Variants in RNF217 observed in about 807,000 individuals in gnomAD.
RNF217 encodes E3 ubiquitin-protein ligase RNF217.
Under a neutral mutation model 57.8 loss-of-function variants are expected in RNF217, and 31 were observed. The observed-to-expected ratio is 0.54, with a 90% confidence interval of 0.40 to 0.72. The LOEUF (loss-of-function observed/expected upper bound fraction) is 0.72, where lower values mean the gene tolerates loss of function less well. Ranked by LOEUF, RNF217 falls within the 30% of genes least tolerant of loss-of-function variation. The pLI, the probability that RNF217 is intolerant of heterozygous loss-of-function variation, is 0.00. For missense variants in RNF217, 696 were observed against 708.3 expected, an observed-to-expected ratio of 0.98 and a Z score of 0.20; for synonymous variants, 313 against 294.0, an observed-to-expected ratio of 1.06 and a Z score of -0.66.
rs1417220942 is a variant in RNF217 at position 125,021,480 on chromosome 6, TGG to T, written c.883-23730_883-23729del. Among the ~76,000 whole-genome samples the T allele has an allele frequency of 2.0e-5, 3 of 152,184 alleles. No individual in the cohort carries two copies. In the East Asian group the frequency reaches 5.8e-4, roughly 30 times the overall value. ...CGGGGTTTCACCATCTTGGCCAGGC[TGG>T]TCTTGAACTCCTGACCTCGTGATCT... On this transcript the variant is annotated intron_variant, in intron 1 of 5. Coordinates refer to ENST00000521654, the MANE Select transcript of RNF217 (RefSeq NM_001286398.3).
chr6:125,020,675 T>C (rs1329529150), intron 1 of RNF217, among the ~76,000 whole-genome samples: 2 of 152,192 alleles, frequency 1.3e-5, no homozygotes, highest in Non-Finnish European at 2.9e-5. Flanking sequence ...CTTTGGCTTG[T>C]CTTGTTGGAA....
At chr6:124,967,212 G>A (rs749391883) in intron 1 of RNF217, among the ~76,000 whole-genome samples, 5 of 152,194 alleles carry the variant, frequency 3.3e-5, no homozygotes, top group Admixed American at 6.5e-5. Context: ...GCTAAAGTAC[G>A]TAGTCCCAGG....
chr6:125,043,104 G>T (rs1273622520), intron 1 of RNF217, among the ~76,000 whole-genome samples: 2 of 151,984 alleles, frequency 1.3e-5, no homozygotes, highest in African/African-American at 4.8e-5. Context: ...GTTCATCTTT[G>T]CTTACAGCCT....
Position 125,082,883 on chromosome 6 carries a change from C to G in RNF217, c.1575C>G (p.Ile525Met). ...AVVIGLFVFPIYCLCKKQRKR... is the reference protein window; with the variant it reads ...AVVIGLFVFPMYCLCKKQRKR... ...CCCTAGGTTTATTTGTATTTCCTAT[C>G]TATTGCCTTTGTAAAAAACAGAGAA... Residue 525 changes from isoleucine to methionine, a missense_variant, in exon 6 of 6, where the codon ATC becomes ATG. Physicochemically the swap from Ile to Met is conservative, Grantham distance 10 (BLOSUM62 1). This residue lies in a region of RNF217 where 231 missense variants were observed against 321.4 expected (regional missense o/e 0.72). Transcript: ENST00000521654. 1 of 1,603,210 alleles carries G rather than the reference C, an allele frequency of 6.2e-7. No homozygotes were observed. Among genetic ancestry groups the G allele is most frequent in the South Asian group, 1.1e-5 (1 of 88,960 alleles).
intron 1 of RNF217, among the ~76,000 whole-genome samples, chr6:125,014,500 G>T (rs993766181): frequency 2.6e-5 from 4 of 152,126 alleles, no homozygotes; most frequent in Admixed American, 6.6e-5. Flanking sequence ...TTCAAACAGT[G>T]TATATGCCTT....
chr6:125,046,858 T>C (rs1399458838), intron 2 of RNF217, among the ~76,000 whole-genome samples: 1 of 152,064 alleles, frequency 6.6e-6, no homozygotes, highest in Non-Finnish European at 1.5e-5. Flanking sequence ...ATTTATTTAC[T>C]GTTTTTATGC....
At chr6:125,031,191 C>T (rs1409531046) in intron 1 of RNF217, among the ~76,000 whole-genome samples, 1 of 152,198 alleles carries the variant, frequency 6.6e-6, no homozygotes, top group African/African-American at 2.4e-5. Flanking sequence ...GGGCCCAGCC[C>T]ACGAAACCAC....
At chr6:124,996,957 T>C (rs1582686964) in intron 1 of RNF217, among the ~76,000 whole-genome samples, 2 of 152,226 alleles carry the variant, frequency 1.3e-5, no homozygotes, top group East Asian at 3.8e-4. Flanking sequence ...TGGTTTAGTA[T>C]TGACAGTGGA....
chr6:125,034,627 C>T (rs1175108098), intron 1 of RNF217, among the ~76,000 whole-genome samples: 47 of 152,162 alleles, frequency 3.1e-4, no homozygotes, highest in African/African-American at 8.0e-4. Flanking sequence ...AGTCAGGTAG[C>T]GTGATGCCTC....
At chr6:125,059,666 A>T (rs1317517588) in intron 3 of RNF217, among the ~76,000 whole-genome samples, 1 of 152,212 alleles carries the variant, frequency 6.6e-6, no homozygotes, top group Non-Finnish European at 1.5e-5. Context: ...TTGTTACTGT[A>T]ATCTCTTAAC....
chr6:124,983,857 A>G (rs933348540), intron 1 of RNF217, among the ~76,000 whole-genome samples: 1 of 152,164 alleles, frequency 6.6e-6, no homozygotes, highest in East Asian at 1.9e-4. Flanking sequence ...ACAGAAATTT[A>G]TTGCTCACAA....
chr6:125,062,594 G>A (rs539547818), intron 3 of RNF217, among the ~76,000 whole-genome samples: 32 of 151,222 alleles, frequency 2.1e-4, no homozygotes, highest in Non-Finnish European at 4.1e-4. Context: ...TGTTTTTTTT[G>A]AGATGGAGTC....
At chr6:124,976,781 A>C (rs767561535) in intron 1 of RNF217, among the ~76,000 whole-genome samples, 18 of 152,206 alleles carry the variant, frequency 1.2e-4, no homozygotes, top group Non-Finnish European at 1.6e-4. Flanking sequence ...CTGGGATTAC[A>C]GGTGTGAGCC....
At chr6:125,008,498 C>G (rs1785278659) in intron 1 of RNF217, among the ~76,000 whole-genome samples, 1 of 152,180 alleles carries the variant, frequency 6.6e-6, no homozygotes. Context: ...ATATCCCAGT[C>G]ATCAGCACAG....
At position 125,090,048 on chromosome 6, in the gene RNF217, A is replaced by T. The variant is rs538929808; in HGVS notation, c.*7111A>T. 6.6e-6 allele frequency: 1 copy of T among 152,216 alleles called. No homozygotes were observed. Among genetic ancestry groups the T allele is most frequent in the South Asian group, 2.1e-4 (1 of 4,822 alleles). The allele number at this position is 152,216 out of a possible 1,614,324, so 9.4% of individuals were successfully genotyped here. A position where few individuals can be genotyped will look rare whatever the true frequency, so the allele number is the denominator to read the frequency against. The stretch of plus-strand genomic sequence containing the variant: ...TCTAAGACCCATTTTTTTAAGTGTC[A>T]TATGGCAACTCCTCAATAGCTTACT... On this transcript the variant is annotated 3_prime_UTR_variant, in exon 6 of 6. Coordinates refer to ENST00000521654, the MANE Select transcript of RNF217 (RefSeq NM_001286398.3).
At chr6:124,969,391 G>A (rs1783674655) in intron 1 of RNF217, among the ~76,000 whole-genome samples, 1 of 151,846 alleles carries the variant, frequency 6.6e-6, no homozygotes, top group Non-Finnish European at 1.5e-5. Context: ...TTGTCAGAAG[G>A]GTTTTACATT....
At chr6:125,043,011 A>C (rs1027720120) in intron 1 of RNF217, among the ~76,000 whole-genome samples, 5 of 151,924 alleles carry the variant, frequency 3.3e-5, no homozygotes, top group Admixed American at 3.3e-4. Context: ...CATTCTGAAA[A>C]CTGCAGTTTT....
intron 1 of RNF217, among the ~76,000 whole-genome samples, chr6:125,014,549 T>C (rs1293720297): frequency 6.6e-6 from 1 of 152,218 alleles, no homozygotes; most frequent in Non-Finnish European, 1.5e-5. Context: ...ATCTCTGTGA[T>C]GATTGCATCA....
At chr6:124,983,011 A>G (rs1233158002) in intron 1 of RNF217, among the ~76,000 whole-genome samples, 1 of 152,222 alleles carries the variant, frequency 6.6e-6, no homozygotes, top group Non-Finnish European at 1.5e-5. Flanking sequence ...TAGGTGTCAC[A>G]GTAAAAGGAT....
Sources: allele counts gnomAD v4.1 joint callset (sites outside exome capture counted in the v4.1 genomes callset), GRCh38; gene constraint gnomAD v4.1.1; regional missense constraint gnomAD v4.1.1; transcripts MANE v1.5; gene names NCBI Gene and HGNC (gene_info 2026-07-23, HGNC 2026-07-21).